The following NAV2 variants were observed in gnomAD, a reference collection of about 807,000 sequenced individuals.
NAV2 encodes helicase, APC down-regulated 1.
In NAV2, 54 loss-of-function variants were observed where a neutral mutation model predicts 223.2. The ratio of observed to expected loss-of-function variants is 0.24; its 90% CI spans 0.19 to 0.30. The LOEUF (loss-of-function observed/expected upper bound fraction) is 0.30. Ranked by LOEUF, NAV2 falls within the 10% of genes least tolerant of loss-of-function variation. The probability of loss-of-function intolerance (pLI) is 1.00; values close to 1 mark genes in which losing one functional copy is unlikely to be tolerated. For synonymous variants in NAV2, 1,279 were observed against 1,239.3 expected (o/e 1.03, Z -0.67); for missense variants, 2,806 against 3,147.5 (o/e 0.89, Z 2.60).
intron 6 of NAV2, among the ~76,000 whole-genome samples, chr11:19,931,078 G>A (rs1005624458): frequency 6.6e-6 from 1 of 152,164 alleles, no homozygotes; most frequent in Non-Finnish European, 1.5e-5. Context: ...TTATTCTTTA[G>A]CCCTACCTAA....
chr11:20,091,341 C>T (rs1285948340), intron 27 of NAV2, among the ~76,000 whole-genome samples: 4 of 152,192 alleles, frequency 2.6e-5, no homozygotes, highest in South Asian at 2.1e-4. Flanking sequence ...CTCCCCAGCT[C>T]CTCTTCCCAG....
chr11:19,367,530 A>G (rs1453365195), intron 1 of NAV2, among the ~76,000 whole-genome samples: 1 of 152,228 alleles, frequency 6.6e-6, no homozygotes, highest in East Asian at 1.9e-4. Flanking sequence ...GCAAATACCA[A>G]GAGTATAAAG....
chr11:19,423,992 A>G (rs1248407411), intron 1 of NAV2, among the ~76,000 whole-genome samples: 1 of 152,208 alleles, frequency 6.6e-6, no homozygotes, highest in Non-Finnish European at 1.5e-5. Context: ...GAAGGATCCC[A>G]GAAAACCACA....
chr11:19,626,066 T>G (rs1243570614), intron 1 of NAV2, among the ~76,000 whole-genome samples: 1 of 152,192 alleles, frequency 6.6e-6, no homozygotes, highest in South Asian at 2.1e-4. Flanking sequence ...ATTTTTGCTT[T>G]GGTTGCCTGT....
intron 1 of NAV2, among the ~76,000 whole-genome samples, chr11:19,513,249 G>A (rs2043335527): frequency 6.6e-6 from 1 of 152,312 alleles, no homozygotes; most frequent in Non-Finnish European, 1.5e-5. Context: ...GCATTCAAAG[G>A]GGTGTTATTC....
intron 11 of NAV2, among the ~76,000 whole-genome samples, chr11:19,991,216 C>T (rs1351516274): frequency 1.3e-5 from 2 of 152,162 alleles, no homozygotes; most frequent in Non-Finnish European, 2.9e-5. Flanking sequence ...GCAACCTCCA[C>T]CCCGGCTCAA....
At chr11:19,460,857 CA>C (rs947767095) in intron 1 of NAV2, among the ~76,000 whole-genome samples, 1 of 152,108 alleles carries the variant, frequency 6.6e-6, no homozygotes, top group African/African-American at 2.4e-5. Context: ...TCTCATCTGG[CA>C]GCCCTGGGGT....
intron 26 of NAV2, among the ~76,000 whole-genome samples, chr11:20,084,242 C>A (rs774707207): frequency 1.3e-5 from 2 of 152,164 alleles, no homozygotes; most frequent in African/African-American, 4.8e-5. Flanking sequence ...GGACTACAGG[C>A]GCATGCCACC....
At chr11:20,065,392 A>C (rs1471834204) in intron 20 of NAV2, among the ~76,000 whole-genome samples, 1 of 152,228 alleles carries the variant, frequency 6.6e-6, no homozygotes, top group Admixed American at 6.5e-5. Flanking sequence ...TCTGCATGAA[A>C]TTTGCAATTT....
rs559464899 is a variant in NAV2, at chr11:19,480,245, T to C, written c.75+129218T>C. 3.3e-5 allele frequency among the ~76,000 whole-genome samples: 5 copies of C among 152,322 alleles called. No individual in the cohort carries two copies. In the East Asian group the frequency reaches 9.6e-4, roughly 29 times the overall value. ...ACTCTGAGAGTCCCAGAGGATGTAGTGTATCCTGATATACTTTACCAGGCA... is the reference window on the plus strand; with the variant it reads ...ACTCTGAGAGTCCCAGAGGATGTAGCGTATCCTGATATACTTTACCAGGCA... On this transcript the variant is annotated intron_variant, in intron 1 of 37. Transcript: ENST00000360655.
chr11:19,789,541 G>C (rs146224660), intron 1 of NAV2, among the ~76,000 whole-genome samples: 28 of 152,266 alleles, frequency 1.8e-4, no homozygotes, highest in Non-Finnish European at 8.8e-5. Context: ...GTAAACATTT[G>C]TTGACTTGAA....
chr11:19,583,930 T>C (rs1360683657), intron 1 of NAV2, among the ~76,000 whole-genome samples: 1 of 152,230 alleles, frequency 6.6e-6, no homozygotes, highest in Non-Finnish European at 1.5e-5. Flanking sequence ...TTCTGTTGAT[T>C]GGAATAGTTT....
At chr11:19,415,401 T>G (rs773626724) in intron 1 of NAV2, among the ~76,000 whole-genome samples, 25 of 152,112 alleles carry the variant, frequency 1.6e-4, no homozygotes, top group Non-Finnish European at 3.4e-4. Context: ...CAGGAAGAAG[T>G]CGAATCCCTG....
In NAV2 at chr11:19,949,135, C is replaced by T; in HGVS notation, c.2645+55C>T. 3.3e-6 allele frequency: 5 copies of T among 1,517,868 alleles called. No individual in the cohort carries two copies. In the South Asian group the frequency reaches 5.3e-5, roughly 16 times the overall value. The allele number at this position is 1,517,868 out of a possible 1,614,324, so 94.0% of individuals were successfully genotyped here. The stretch of plus-strand genomic sequence containing the variant: ...GAGAGAAAGAGGGCTTGGCACCTGG[C>T]TTCTCTTTTGTAGGGCTCTATTTGA... On this transcript the variant is annotated intron_variant, in intron 10 of 37. Coordinates refer to ENST00000349880, the MANE Select transcript of NAV2 (RefSeq NM_145117.5).
In NAV2 at chr11:20,045,026, G is replaced by A; in HGVS notation, c.3258G>A (p.Gln1086=). The A allele has an allele frequency of 6.2e-7, 1 of 1,614,114 alleles. No individual in the cohort carries two copies. The highest frequency in any genetic ancestry group is 1.1e-5 in the South Asian group (1 of 91,074). The change falls in exon 14 of 38, where the codon CAG becomes CAA. Residue 1086 remains glutamine (Q), a synonymous_variant. Coordinates refer to ENST00000349880, the MANE Select transcript of NAV2 (RefSeq NM_145117.5). ...EKGRLSPKAS[Q]VKRSPSDAGR... ...GAAGGCTTTCTCCTAAAGCCTCCCA[G>A]GTGAAGCGCTCCCCATCAGATGCAG...
intron 6 of NAV2, among the ~76,000 whole-genome samples, chr11:19,893,185 A>T (rs901990357): frequency 6.6e-6 from 1 of 150,538 alleles, no homozygotes; most frequent in African/African-American, 2.5e-5. Context: ...AGTTTTTAGG[A>T]TGGAGAAAAA....
At chr11:19,897,886 T>TTTTTATATATATATATATATATATATATA (rs144642336) in intron 6 of NAV2, among the ~76,000 whole-genome samples, 1 of 120,660 alleles carries the variant, frequency 8.3e-6, no homozygotes, top group African/African-American at 3.4e-5. Context: ...GACCTGTGAT[T>TTTTTATATATATATATATATATATATATA]TATATATATA....
chr11:19,936,236 C>T (rs1414174614), intron 7 of NAV2, among the ~76,000 whole-genome samples: 1 of 152,024 alleles, frequency 6.6e-6, no homozygotes, highest in African/African-American at 2.4e-5. Flanking sequence ...ATTCCAATAG[C>T]ATTATTAGTC....
chr11:19,836,285 C>T lies in NAV2; in HGVS notation c.385+3684C>T, dbSNP rs116906351. On this transcript the variant is annotated intron_variant, in intron 2 of 37. Transcript: ENST00000349880. ...TAAAAGCTCCGATCTGGGCCAGGCG[C>T]GGTGGCTCACGCCTGTAATCCCAGC... 2.0e-3 allele frequency among the ~76,000 whole-genome samples: 300 copies of T among 152,020 alleles called. 1 individual carries two copies. Among genetic ancestry groups the T allele is most frequent in the Middle Eastern group, 6.8e-3 (2 of 294 alleles).
Sources: gnomAD v4.1 joint callset for allele counts (sites outside exome capture counted in the v4.1 genomes callset) on GRCh38, gnomAD v4.1.1 for gene constraint, MANE v1.5 for transcripts, NCBI Gene and HGNC (gene_info 2026-07-23, HGNC 2026-07-21) for gene names.